The following MAPK10 variants were observed in gnomAD, a reference collection of about 807,000 sequenced individuals.
MAPK10 encodes the protein mitogen-activated protein kinase 10, also known as JNK3 alpha protein kinase.
Under a neutral mutation model 59.3 loss-of-function variants are expected in MAPK10, and 25 were observed. That is an observed-to-expected ratio of 0.42 (90% confidence interval 0.31 to 0.59). The LOEUF (loss-of-function observed/expected upper bound fraction) is 0.59. Among genes scored for constraint, MAPK10 ranks in the 20% least tolerant of loss-of-function variants. MAPK10 has a pLI of 0.15. For missense variants in MAPK10, 351 were observed against 568.9 expected (o/e 0.62, Z 3.90); for synonymous variants, 190 against 200.5 (o/e 0.95, Z 0.44).
chr4:86,378,633 T>G (rs1023653048), intron 1 of MAPK10, among the ~76,000 whole-genome samples: 1 of 152,204 alleles, frequency 6.6e-6, no homozygotes, highest in Non-Finnish European at 1.5e-5. Context: ...ATGTAAAAAT[T>G]TGGTGAATGA....
chr4:86,531,098 T>TA (rs1447412565), intron 1 of MAPK10, among the ~76,000 whole-genome samples: 1 of 152,166 alleles, frequency 6.6e-6, no homozygotes, highest in Non-Finnish European at 1.5e-5. Flanking sequence ...CTTTTCATCA[T>TA]AACAATACCT....
At chr4:86,077,246 A>T (rs143976052) in intron 9 of MAPK10, among the ~76,000 whole-genome samples, 93 of 152,318 alleles carry the variant, frequency 6.1e-4, no homozygotes, top group African/African-American at 2.1e-3. Flanking sequence ...GAGTATCTGA[A>T]ATCCTAAGAT....
intron 2 of MAPK10, among the ~76,000 whole-genome samples, chr4:86,247,507 C>T (rs1376267084): frequency 9.2e-5 from 14 of 152,134 alleles, no homozygotes; most frequent in Admixed American, 9.2e-4. Context: ...TCTGAGGCAT[C>T]GTTAGGCCAT....
intron 4 of MAPK10, among the ~76,000 whole-genome samples, chr4:86,158,367 A>C (rs1023058228): frequency 2.0e-5 from 3 of 151,888 alleles, no homozygotes; most frequent in Non-Finnish European, 4.4e-5. Flanking sequence ...CAGAACTGTA[A>C]GATCAGCAAG....
chr4:86,229,387 G>C (rs1383630205), intron 2 of MAPK10, among the ~76,000 whole-genome samples: 1 of 152,222 alleles, frequency 6.6e-6, no homozygotes, highest in African/African-American at 2.4e-5. Flanking sequence ...GGGTCATTAA[G>C]ATGAATCTAT....
At chr4:86,366,316 T>A (rs1042524643) in intron 1 of MAPK10, among the ~76,000 whole-genome samples, 1 of 152,186 alleles carries the variant, frequency 6.6e-6, no homozygotes, top group African/African-American at 2.4e-5. Flanking sequence ...TACATCTTGA[T>A]AGAGATGTGA....
At chr4:86,027,000 G>A (rs934023355) in intron 13 of MAPK10, 2 of 152,156 alleles carry the variant, frequency 1.3e-5, no homozygotes, top group African/African-American at 4.8e-5. Flanking sequence ...TAAATGCATA[G>A]TTGGGAAGAG....
intron 1 of MAPK10, among the ~76,000 whole-genome samples, chr4:86,386,110 C>A (rs1741420148): frequency 1.3e-5 from 2 of 152,300 alleles, no homozygotes; most frequent in African/African-American, 2.4e-5. Flanking sequence ...TGCCTTCTCC[C>A]ACCTGATTAC....
At chr4:86,047,315 A>G (rs2042682861) in intron 11 of MAPK10, among the ~76,000 whole-genome samples, 1 of 152,098 alleles carries the variant, frequency 6.6e-6, no homozygotes, top group South Asian at 2.1e-4. Flanking sequence ...AGAGATTTGA[A>G]TGAAGTAAAG....
At chr4:86,103,083 G>GTGTGTA (rs1184495166) in intron 6 of MAPK10, 103 bp downstream of exon 6, 6 of 691,592 alleles carry the variant, frequency 8.7e-6, no homozygotes, top group Non-Finnish European at 1.6e-5. Flanking sequence ...CTCTGTGTGT[G>GTGTGTA]TGTGTGTGTG....
intron 2 of MAPK10, among the ~76,000 whole-genome samples, chr4:86,300,055 G>A (rs2095440225): frequency 6.6e-6 from 1 of 151,848 alleles, no homozygotes; most frequent in South Asian, 2.1e-4. Context: ...ACCACACCTG[G>A]CTATTTTTTG....
chr4:86,149,370 G>A (rs978695862), intron 4 of MAPK10, among the ~76,000 whole-genome samples: 1 of 152,218 alleles, frequency 6.6e-6, no homozygotes, highest in Admixed American at 6.5e-5. Context: ...AGGTTCAAGC[G>A]ATTCTCCCGC....
At chr4:86,118,794 T>G (rs923180009) in intron 4 of MAPK10, among the ~76,000 whole-genome samples, 1 of 152,336 alleles carries the variant, frequency 6.6e-6, no homozygotes, top group East Asian at 1.9e-4. Context: ...TAAATATTTG[T>G]GGGGGAAATC....
At chr4:86,279,130 A>C (rs2094698350) in intron 2 of MAPK10, among the ~76,000 whole-genome samples, 1 of 152,132 alleles carries the variant, frequency 6.6e-6, no homozygotes, top group African/African-American at 2.4e-5. Context: ...TATCTTTGTA[A>C]ATTTTATGTA....
intron 2 of MAPK10, among the ~76,000 whole-genome samples, chr4:86,215,388 C>G (rs1314808805): frequency 6.6e-6 from 1 of 151,968 alleles, no homozygotes; most frequent in African/African-American, 2.4e-5. Flanking sequence ...ACACAAGCAA[C>G]AAAAGCAAAA....
chr4:86,037,996 C>A (rs2040696402), intron 11 of MAPK10, among the ~76,000 whole-genome samples: 1 of 152,218 alleles, frequency 6.6e-6, no homozygotes, highest in Non-Finnish European at 1.5e-5. Flanking sequence ...AACTATCATA[C>A]AAGCAGTCAA....
At chr4:86,406,994 G>A (rs1185633525) in intron 1 of MAPK10, among the ~76,000 whole-genome samples, 2 of 152,118 alleles carry the variant, frequency 1.3e-5, no homozygotes, top group East Asian at 3.9e-4. Flanking sequence ...ATGTTCCACG[G>A]GATGGGATGG....
chr4:86,451,316 GTGA>G (rs1750691690), intron 1 of MAPK10, among the ~76,000 whole-genome samples: 3 of 152,248 alleles, frequency 2.0e-5, no homozygotes, highest in Admixed American at 1.3e-4. Flanking sequence ...TAGCAGTTCT[GTGA>G]TGAATTATTA....
chr4:86,250,616 G>C (rs1039752519), intron 2 of MAPK10, among the ~76,000 whole-genome samples: 1 of 151,994 alleles, frequency 6.6e-6, no homozygotes, highest in Non-Finnish European at 1.5e-5. Flanking sequence ...TTTCATAGAG[G>C]AGTCATCTAG....
Sources: allele counts gnomAD v4.1 joint callset (sites outside exome capture counted in the v4.1 genomes callset), GRCh38; gene constraint gnomAD v4.1.1; transcripts MANE v1.5; gene names NCBI Gene and HGNC (gene_info 2026-07-23, HGNC 2026-07-21).